The following SLC9B1 variants were observed in gnomAD, a reference collection of about 807,000 sequenced individuals.
SLC9B1 encodes the protein solute carrier family 9 member B1.
SLC9B1 carries 32 observed loss-of-function variants against 51.7 expected under a neutral mutation model. That is an observed-to-expected ratio of 0.62 (90% CI 0.47 to 0.83). The LOEUF (loss-of-function observed/expected upper bound fraction) is 0.83, where lower values mean the gene tolerates loss of function less well. Among genes scored for constraint, SLC9B1 ranks in the 40% least tolerant of loss-of-function variants. The pLI is 0.00. For missense variants in SLC9B1, 406 were observed against 613.2 expected (o/e 0.66, Z 3.57); for synonymous variants, 145 against 212.7 (o/e 0.68, Z 2.77).
intron 3 of SLC9B1, 79 bp downstream of exon 3, chr4:102,989,721 G>A: frequency 2.0e-6 from 2 of 980,446 alleles, no homozygotes; most frequent in South Asian, 3.5e-5. Context: ...ATTAAGTAGT[G>A]TCTTTGTTGT....
chr4:103,012,842 T>A (rs1411383330), intron 1 of SLC9B1, among the ~76,000 whole-genome samples: 1 of 152,098 alleles, frequency 6.6e-6, no homozygotes, highest in Non-Finnish European at 1.5e-5. Context: ...GGAAGGCATG[T>A]AAAGGCAAAA....
At chr4:102,984,891 T>C (rs1739535930) in intron 3 of SLC9B1, among the ~76,000 whole-genome samples, 1 of 152,168 alleles carries the variant, frequency 6.6e-6, no homozygotes. Flanking sequence ...TCTGGCTATG[T>C]TCCCCAGGCT....
Position 102,934,688 on chromosome 4 carries a change from C to A in SLC9B1, c.654-2389G>T, listed in dbSNP as rs557455819. ...GGTTGAGGCAGGAGAATCACTTGAACCCGGGAGGTGGAGGTTGCAGTGAGC... is the reference window on the plus strand; with the variant it reads ...GGTTGAGGCAGGAGAATCACTTGAAACCGGGAGGTGGAGGTTGCAGTGAGC... On this transcript the variant is annotated intron_variant, in intron 6 of 11. Transcript: ENST00000296422. Among the ~76,000 whole-genome samples, 6 of 151,512 alleles carry A rather than the reference C, an allele frequency of 4.0e-5. No individual in the cohort carries two copies. The South Asian group carries it at 1.3e-3, about 32-fold the overall frequency.
intron 3 of SLC9B1, among the ~76,000 whole-genome samples, chr4:102,974,342 CA>C (rs961939294): frequency 7.8e-5 from 9 of 115,516 alleles, no homozygotes; most frequent in Admixed American, 4.2e-4. Context: ...AACTATAAAA[CA>C]AAAAAACAAT....
intron 3 of SLC9B1, among the ~76,000 whole-genome samples, chr4:102,967,236 C>A (rs1364802181): frequency 2.0e-5 from 3 of 152,206 alleles, no homozygotes; most frequent in Non-Finnish European, 2.9e-5. Context: ...ATCCTTAATG[C>A]TCTGTTTATG....
At chr4:102,896,414 A>T (rs1329759789), downstream of SLC9B1, among the ~76,000 whole-genome samples, 1 of 152,140 alleles carries the variant, frequency 6.6e-6, no homozygotes, top group East Asian at 1.9e-4. Flanking sequence ...AATTTTTATA[A>T]AATTGTGGAT....
At chr4:103,013,610 T>A (rs974903430) in intron 1 of SLC9B1, among the ~76,000 whole-genome samples, 1 of 152,232 alleles carries the variant, frequency 6.6e-6, no homozygotes, top group African/African-American at 2.4e-5. Context: ...TAATTACTTA[T>A]TGAATATCTC....
intron 7 of SLC9B1, among the ~76,000 whole-genome samples, chr4:102,925,740 ATT>A (rs1365502041): frequency 6.6e-6 from 1 of 151,664 alleles, no homozygotes; most frequent in Non-Finnish European, 1.5e-5. Flanking sequence ...TCCCTAACTC[ATT>A]TTATGAGGCC....
chr4:102,932,998 G>T (rs569490228), intron 6 of SLC9B1, among the ~76,000 whole-genome samples: 1 of 152,224 alleles, frequency 6.6e-6, no homozygotes, highest in Non-Finnish European at 1.5e-5. Flanking sequence ...GAGGAATGGG[G>T]AGGCTCCTGC....
At chr4:102,901,680 G>C (rs533782865) in intron 11 of SLC9B1, among the ~76,000 whole-genome samples, 7 of 152,246 alleles carry the variant, frequency 4.6e-5, no homozygotes, top group Admixed American at 3.9e-4. Flanking sequence ...TTTACCGTGT[G>C]CAAGTGGTTC....
chr4:102,920,908 A>G (rs1177339460), intron 7 of SLC9B1, among the ~76,000 whole-genome samples: 1 of 152,246 alleles, frequency 6.6e-6, no homozygotes, highest in Non-Finnish European at 1.5e-5. Flanking sequence ...ATATGGGACT[A>G]TGTGAAAAGA....
At chr4:102,942,983 A>C (rs540878973) in intron 6 of SLC9B1, among the ~76,000 whole-genome samples, 12 of 152,124 alleles carry the variant, frequency 7.9e-5, no homozygotes, top group Non-Finnish European at 1.3e-4. Context: ...ATCAGCAAGA[A>C]AAAACCAAAT....
At position 102,887,277 on chromosome 4, in the gene SLC9B1, C is replaced by A; in HGVS notation, c.1333-1949G>T. 6.1e-6 allele frequency: 6 copies of A among 987,160 alleles called. No homozygotes were observed. In the South Asian group the frequency reaches 8.1e-5, roughly 13 times the overall value. 61.2% of individuals were successfully genotyped at this position (987,160 alleles called of 1,614,324 possible). ...ATGCTTTCTTTCTGAGAGCATTTCA[C>A]AAATGTTTCTACCTAATGAATCATA... On this transcript the variant is annotated intron_variant, in intron 11 of 11. Transcript: ENST00000394789.
chr4:102,973,676 G>T (rs563026203), intron 3 of SLC9B1, among the ~76,000 whole-genome samples: 1 of 152,192 alleles, frequency 6.6e-6, no homozygotes, highest in African/African-American at 2.4e-5. Context: ...ATAACATGTG[G>T]CTTATACTCT....
chr4:102,966,837 T>C (rs1365632938), intron 3 of SLC9B1, among the ~76,000 whole-genome samples: 3 of 152,244 alleles, frequency 2.0e-5, no homozygotes, highest in African/African-American at 7.2e-5. Context: ...GGCCAGGCTA[T>C]TAATTTTCAA....
chr4:102,957,345 T>G (rs112662836), intron 3 of SLC9B1, among the ~76,000 whole-genome samples: 148 of 152,232 alleles, frequency 9.7e-4, no homozygotes, highest in Non-Finnish European at 1.5e-3. Flanking sequence ...TCAAGTAGGA[T>G]AAACACAAAG....
chr4:102,937,437 A>C lies in SLC9B1; in HGVS notation c.654-5138T>G, dbSNP rs1226469565. Reference sequence around the variant, plus strand: ...TAAAAAAAAAAAAAAAAAAAAAAAAAAAAACTTGGCTGGGTGTGGTGGCTC... The same window carrying C: ...TAAAAAAAAAAAAAAAAAAAAAAAACAAAACTTGGCTGGGTGTGGTGGCTC... On this transcript the variant is annotated intron_variant, in intron 6 of 11. Coordinates refer to ENST00000296422, the MANE Select transcript of SLC9B1 (RefSeq NM_139173.4). Among the ~76,000 whole-genome samples the C allele has an allele frequency of 2.0e-5, 3 of 148,236 alleles. No individual in the cohort carries two copies. The East Asian group carries it at 5.9e-4, about 29-fold the overall frequency.
chr4:102,989,827 C>T lies in SLC9B1; in HGVS notation c.184G>A (p.Gly62Arg), dbSNP rs769285198. Residue 62 changes from glycine to arginine, a missense_variant, in exon 3 of 12, where the codon GGA becomes AGA. By Grantham distance (125) the Gly-to-Arg change is moderately radical (BLOSUM62 -2). Transcript: ENST00000296422. ...KETYISCPLR[G>R]VLNVIITNGV... Reference sequence around the variant, plus strand: ...TTTGTAATAATTACATTCAATACTCCTCTTAGAGGACAAGAAATGTATGTC... The same window carrying T: ...TTTGTAATAATTACATTCAATACTCTTCTTAGAGGACAAGAAATGTATGTC... The T allele has an allele frequency of 6.3e-7, 1 of 1,595,140 alleles. No individual in the cohort carries two copies. Among genetic ancestry groups the T allele is most frequent in the Non-Finnish European group, 8.6e-7 (1 of 1,167,644 alleles).
chr4:102,949,132 C>T (rs989347102), intron 4 of SLC9B1, 125 bp downstream of exon 4: 2 of 808,270 alleles, frequency 2.5e-6, no homozygotes, highest in African/African-American at 3.5e-5. Context: ...TAAATACATA[C>T]ATGAAGAAAC....
Sources: gnomAD v4.1 joint callset for allele counts (sites outside exome capture counted in the v4.1 genomes callset) on GRCh38, gnomAD v4.1.1 for gene constraint, MANE v1.5 for transcripts, NCBI Gene and HGNC (gene_info 2026-07-23, HGNC 2026-07-21) for gene names.